The following THNSL2 variants were observed in gnomAD, a reference collection of about 807,000 sequenced individuals.
The protein encoded by THNSL2 is threonine synthase like 2.
THNSL2 carries 34 observed loss-of-function variants against 40.0 expected under a neutral mutation model. The observed-to-expected ratio is 0.85, with a 90% CI of 0.65 to 1.13. THNSL2 has a LOEUF of 1.13. Ranked by LOEUF, THNSL2 falls within the 50% of genes most tolerant of loss-of-function variation. The probability of loss-of-function intolerance (pLI) is 0.00; values close to 1 mark genes in which losing one functional copy is unlikely to be tolerated. For missense variants in THNSL2, 537 were observed against 608.8 expected, an observed-to-expected ratio of 0.88 and a Z score of 1.24; for synonymous variants, 241 against 247.5, an observed-to-expected ratio of 0.97 and a Z score of 0.25.
chr2:88,173,416 A>C (rs1238655847), intron 2 of THNSL2, 43 bp downstream of exon 2: 3 of 1,469,664 alleles, frequency 2.0e-6, no homozygotes, highest in Non-Finnish European at 2.7e-6. Flanking sequence ...AGCCCCTGCC[A>C]GCTCAGTCTA....
intron 4 of THNSL2, chr2:88,175,724 C>T (rs1676855803): frequency 4.1e-6 from 1 of 242,978 alleles, no homozygotes; most frequent in Non-Finnish European, 8.0e-6. Flanking sequence ...CATGCAGAGT[C>T]ATAACCTGAG....
intron 5 of THNSL2, among the ~76,000 whole-genome samples, chr2:88,181,527 C>A (rs1573201633): frequency 1.3e-5 from 1 of 77,600 alleles, no homozygotes. Flanking sequence ...TCCTCTCTCT[C>A]CCCTCTCTCT....
chr2:88,179,514 T>A (rs550998081), intron 5 of THNSL2, among the ~76,000 whole-genome samples: 116 of 152,330 alleles, frequency 7.6e-4, no homozygotes, highest in African/African-American at 2.7e-3. Context: ...TGAGAGGCTG[T>A]GGAGCAGTCC....
chr2:88,178,752 G>T, intron 4 of THNSL2, 31 bp from the exon 5 acceptor site: 1 of 1,612,936 alleles, frequency 6.2e-7, no homozygotes, highest in Non-Finnish European at 8.5e-7. Context: ...ACATGCTCCT[G>T]ACAGCTGCCC....
intron 7 of THNSL2, among the ~76,000 whole-genome samples, chr2:88,184,611 A>AC (rs1678058554): frequency 1.3e-5 from 2 of 151,754 alleles, no homozygotes; most frequent in African/African-American, 4.8e-5. Context: ...CTAAAAAAAA[A>AC]AAAAAATTAG....
chr2:88,178,678 C>T, intron 4 of THNSL2, 105 bp from the exon 5 acceptor site: 1 of 1,234,716 alleles, frequency 8.1e-7, no homozygotes, highest in South Asian at 1.3e-5. Flanking sequence ...GCGAAGGTCC[C>T]AGGAGGGTGG....
intron 4 of THNSL2, 107 bp downstream of exon 4, chr2:88,175,508 C>CAA: frequency 7.1e-7 from 1 of 1,399,828 alleles, no homozygotes; most frequent in Non-Finnish European, 9.8e-7. Flanking sequence ...GCTGACTGTC[C>CAA]TCCTTTCATC....
At chr2:88,170,488 G>A (rs1306376434) in intron 1 of THNSL2, 32 bp downstream of exon 1, 1 of 149,742 alleles carries the variant, frequency 6.7e-6, no homozygotes, top group Non-Finnish European at 1.5e-5. Context: ...GCCCTCCCGG[G>A]GTCGTCGCGG....
chr2:88,180,379 C>A (rs1238562970), intron 5 of THNSL2, among the ~76,000 whole-genome samples: 1 of 152,164 alleles, frequency 6.6e-6, no homozygotes, highest in Admixed American at 6.5e-5. Context: ...CGAGACCAGC[C>A]TGGCCAACAT....
At chr2:88,184,781 G>GAA (rs70958945) in intron 7 of THNSL2, among the ~76,000 whole-genome samples, 1 of 151,442 alleles carries the variant, frequency 6.6e-6, no homozygotes, top group Non-Finnish European at 1.5e-5. Flanking sequence ...AAAAAGAAAA[G>GAA]AAAAAAAATC....
At chr2:88,175,933 A>G (rs1676885929) in intron 4 of THNSL2, 2 of 153,076 alleles carry the variant, frequency 1.3e-5, no homozygotes, top group Admixed American at 1.3e-4. Context: ...CCCTGACTCT[A>G]TAAAAAATAC....
At chr2:88,185,774 C>G in intron 8 of THNSL2, 124 bp from the exon 9 acceptor site, 1 of 1,542,184 alleles carries the variant, frequency 6.5e-7, no homozygotes, top group Non-Finnish European at 8.8e-7. Flanking sequence ...CTGTCTGTGT[C>G]TCTGTCCTCC....
chr2:88,176,659 C>T (rs942174838), intron 4 of THNSL2: 4 of 152,212 alleles, frequency 2.6e-5, no homozygotes, highest in African/African-American at 9.7e-5. Context: ...GAAAACAAAC[C>T]TTATCCAAAG....
chr2:88,178,198 T>G (rs909127655), intron 4 of THNSL2, among the ~76,000 whole-genome samples: 12 of 152,214 alleles, frequency 7.9e-5, no homozygotes, highest in African/African-American at 2.9e-4. Context: ...ATTACACTGA[T>G]GTACACACCC....
chr2:88,185,202 C>A, intron 7 of THNSL2, 126 bp from the exon 8 acceptor site: 1 of 1,326,760 alleles, frequency 7.5e-7, no homozygotes, highest in Non-Finnish European at 1.0e-6. Flanking sequence ...CACATCTGAG[C>A]CATTCGGTCT....
rs150007805 is a variant in THNSL2 at position 88,177,684 on chromosome 2, G to A, written c.572-1099G>A. 3.2e-4 allele frequency among the ~76,000 whole-genome samples: 49 copies of A among 152,210 alleles called. No homozygotes were observed. In the East Asian group the frequency reaches 9.1e-3, roughly 28 times the overall value. On this transcript the variant is annotated intron_variant, in intron 4 of 8. Transcript: ENST00000674334. ...CTCAGTCCTAAGGCTCATTCCTCTTGTGGTCATATGGTGATTGCTTGAGGT... is the reference window on the plus strand; with the variant it reads ...CTCAGTCCTAAGGCTCATTCCTCTTATGGTCATATGGTGATTGCTTGAGGT...
intron 2 of THNSL2, 125 bp from the exon 3 acceptor site, chr2:88,174,514 C>T (rs1676696524): frequency 2.1e-6 from 2 of 932,032 alleles, no homozygotes; most frequent in Admixed American, 2.7e-5. Flanking sequence ...AAAATGGTAT[C>T]ATTTAAGATG....
At chr2:88,185,507 G>T in intron 8 of THNSL2, 28 bp downstream of exon 8, 1 of 1,584,026 alleles carries the variant, frequency 6.3e-7, no homozygotes, top group East Asian at 2.3e-5. Context: ...CTGGGCCACT[G>T]AGGGACCATT....
chr2:88,179,851 G>A (rs1558893448), intron 5 of THNSL2, among the ~76,000 whole-genome samples: 1 of 152,196 alleles, frequency 6.6e-6, no homozygotes, highest in Non-Finnish European at 1.5e-5. Flanking sequence ...CCAGAAGCGC[G>A]ACCCAGGTAG....
Sources: allele counts gnomAD v4.1 joint callset (sites outside exome capture counted in the v4.1 genomes callset), GRCh38; gene constraint gnomAD v4.1.1; transcripts MANE v1.5; gene names NCBI Gene and HGNC (gene_info 2026-07-23, HGNC 2026-07-21).